Variants in RYR3 observed in about 807,000 individuals in gnomAD.
The protein encoded by RYR3 is brain ryanodine receptor-calcium release channel.
A neutral mutation model predicts 584.3 loss-of-function variants in RYR3; 207 were observed. That is an observed-to-expected ratio of 0.35 (90% CI 0.32 to 0.40). The LOEUF (loss-of-function observed/expected upper bound fraction) is 0.40, where lower values mean the gene tolerates loss of function less well. Among genes scored for constraint, RYR3 ranks in the 10% least tolerant of loss-of-function variants. The probability of loss-of-function intolerance (pLI) is 1.00; values close to 1 mark genes in which losing one functional copy is unlikely to be tolerated. For missense variants in RYR3, 5,616 were observed against 6,089.2 expected (o/e 0.92, Z 2.59); for synonymous variants, 2,416 against 2,248.5 (o/e 1.07, Z -2.11).
chr15:33,701,703 A>G (rs1242786358), intron 42 of RYR3, among the ~76,000 whole-genome samples: 3 of 152,034 alleles, frequency 2.0e-5, no homozygotes, highest in South Asian at 2.1e-4. Flanking sequence ...AAAGGTCATC[A>G]TTATGTAGGG....
At chr15:33,439,065 T>C (rs1424269664) in intron 1 of RYR3, among the ~76,000 whole-genome samples, 3 of 152,234 alleles carry the variant, frequency 2.0e-5, no homozygotes, top group South Asian at 2.1e-4. Context: ...CTGTAATCTT[T>C]TAATGTAGTT....
rs558052443 is a variant in RYR3 at position 33,776,971 on chromosome 15, CAGTG to C, written c.9138-3237_9138-3234del. Among the ~76,000 whole-genome samples the C allele has an allele frequency of 3.3e-4, 51 of 152,346 alleles. 1 individual carries two copies. The South Asian group carries it at 0.01, about 31-fold the overall frequency. On this transcript the variant is annotated intron_variant, in intron 64 of 103. Coordinates refer to ENST00000634891, the MANE Select transcript of RYR3 (RefSeq NM_001036.6). The stretch of plus-strand genomic sequence containing the variant: ...ATTGTGTGAAAAATACTGTATGAGG[CAGTG>C]AGAACCGAGACCAGACGAGCCTGGG...
At chr15:33,486,737 G>T (rs1055563307) in intron 2 of RYR3, among the ~76,000 whole-genome samples, 3 of 152,208 alleles carry the variant, frequency 2.0e-5, no homozygotes, top group Non-Finnish European at 1.5e-5. Flanking sequence ...TCTAAAACCA[G>T]TGCTGAGCAG....
chr15:33,530,019 T>A (rs376498167), intron 3 of RYR3, among the ~76,000 whole-genome samples: 86 of 152,244 alleles, frequency 5.6e-4, no homozygotes, highest in African/African-American at 2.0e-3. Context: ...AGATGGTCTC[T>A]CAACTGAAGG....
intron 85 of RYR3, 115 bp from the exon 86 acceptor site, chr15:33,830,848 G>A (rs1193873116): frequency 9.3e-7 from 1 of 1,078,540 alleles, no homozygotes; most frequent in African/African-American, 1.6e-5. Flanking sequence ...CCTGGCTCCT[G>A]TCAGAGCAAA....
intron 18 of RYR3, among the ~76,000 whole-genome samples, chr15:33,609,384 C>T (rs1196967736): frequency 3.9e-5 from 6 of 151,940 alleles, no homozygotes; most frequent in Admixed American, 2.6e-4. Context: ...GCCTAGCCAA[C>T]GAGGTGAAAA....
At chr15:33,548,613 A>G (rs528908231) in intron 9 of RYR3, among the ~76,000 whole-genome samples, 1 of 152,340 alleles carries the variant, frequency 6.6e-6, no homozygotes, top group African/African-American at 2.4e-5. Context: ...TCGCGATTGC[A>G]TAAGATAAGG....
intron 43 of RYR3, among the ~76,000 whole-genome samples, chr15:33,709,798 C>CT (rs1348905447): frequency 6.6e-6 from 1 of 152,164 alleles, no homozygotes; most frequent in Non-Finnish European, 1.5e-5. Flanking sequence ...ACAAAACAGA[C>CT]TAAGATACCT....
intron 2 of RYR3, among the ~76,000 whole-genome samples, chr15:33,500,600 T>C (rs547918740): frequency 1.1e-3 from 170 of 152,122 alleles, no homozygotes; most frequent in Non-Finnish European, 1.9e-3. Context: ...GGGAGAGTGA[T>C]GAGGAGCTAT....
intron 67 of RYR3, among the ~76,000 whole-genome samples, chr15:33,794,216 T>A (rs1351427514): frequency 4.4e-5 from 3 of 67,754 alleles, no homozygotes; most frequent in Non-Finnish European, 6.2e-5. Context: ...ATATACATTA[T>A]ATATAAATAT....
chr15:33,318,300 G>T (rs966814369), intron 1 of RYR3, among the ~76,000 whole-genome samples: 6 of 152,256 alleles, frequency 3.9e-5, no homozygotes, highest in Non-Finnish European at 7.3e-5. Flanking sequence ...GAAAGTCTGG[G>T]TTGGTGTCAG....
At chr15:33,441,388 C>T (rs1485146739) in intron 1 of RYR3, among the ~76,000 whole-genome samples, 2 of 151,868 alleles carry the variant, frequency 1.3e-5, no homozygotes, top group African/African-American at 4.8e-5. Context: ...TATAATTTTC[C>T]AGGAATTGTT....
intron 100 of RYR3, 37 bp from the exon 101 acceptor site, chr15:33,860,558 T>G: frequency 7.3e-7 from 1 of 1,363,532 alleles, no homozygotes. Flanking sequence ...CCTGAACCAC[T>G]ACACAGATTG....
chr15:33,851,067 T>C (rs933748961), intron 94 of RYR3: 6 of 152,220 alleles, frequency 3.9e-5, no homozygotes, highest in Non-Finnish European at 8.8e-5. Flanking sequence ...TGTTGATGTA[T>C]ATAGCTATAG....
intron 100 of RYR3, 76 bp from the exon 101 acceptor site, chr15:33,860,519 G>A: frequency 1.2e-6 from 1 of 814,474 alleles, no homozygotes; most frequent in Non-Finnish European, 1.9e-6. Flanking sequence ...ACAGAACAAA[G>A]TAGCTTCTTC....
In RYR3 at chr15:33,755,059, A is replaced by G. The variant is rs377282647; in HGVS notation, c.8400-6A>G. ...ACTTCCTGGGGTCTGTCCATGTCCA[A>G]CGTAGGGGTATGAAGGATATGGAGC... is the stretch of plus-strand genomic sequence containing the variant. On this transcript the variant is annotated splice_region_variant and splice_polypyrimidine_tract_variant and intron_variant, in intron 57 of 103. Transcript: ENST00000634891. The G allele has an allele frequency of 4.5e-6, 7 of 1,569,432 alleles. No individual in the cohort carries two copies. Among genetic ancestry groups the G allele is most frequent in the South Asian group, 1.1e-5 (1 of 89,274 alleles).
intron 1 of RYR3, among the ~76,000 whole-genome samples, chr15:33,395,856 T>C (rs2596187): frequency 0.56 from 85,111 of 152,030 alleles, 24,386 homozygotes; most frequent in East Asian, 0.87. Flanking sequence ...GATTCCAAGA[T>C]CCATGGATGC....
chr15:33,471,120 T>C (rs1275213703), intron 1 of RYR3, among the ~76,000 whole-genome samples: 3 of 152,168 alleles, frequency 2.0e-5, no homozygotes. Context: ...TGTCTGTCTA[T>C]TGAAGGTTTA....
chr15:33,615,830 A>C (rs1233642169), intron 19 of RYR3, among the ~76,000 whole-genome samples: 1 of 152,190 alleles, frequency 6.6e-6, no homozygotes, highest in African/African-American at 2.4e-5. Flanking sequence ...AGCACAGAAA[A>C]ATCTGATTGG....
Sources: gnomAD v4.1 joint callset for allele counts (sites outside exome capture counted in the v4.1 genomes callset) on GRCh38, gnomAD v4.1.1 for gene constraint, MANE v1.5 for transcripts, NCBI Gene and HGNC (gene_info 2026-07-23, HGNC 2026-07-21) for gene names.